The following ADAT1 variants were observed in gnomAD, a reference collection of about 807,000 sequenced individuals.
ADAT1 encodes the protein tRNA-specific adenosine deaminase 1.
Under a neutral mutation model 58.6 loss-of-function variants are expected in ADAT1, and 58 were observed. That is an observed-to-expected ratio of 0.99 (90% CI 0.80 to 1.23). The LOEUF (loss-of-function observed/expected upper bound fraction) is 1.23, where lower values mean the gene tolerates loss of function less well. Ranked by LOEUF, ADAT1 falls within the 50% of genes most tolerant of loss-of-function variation. The pLI is 0.00. For missense variants in ADAT1, 741 were observed against 608.6 expected (o/e 1.22, Z -2.29); for synonymous variants, 254 against 220.8 (o/e 1.15, Z -1.33).
In ADAT1 at chr16:75,618,570, G is replaced by C. The variant is rs368341754; in HGVS notation, c.293+16C>G. On this transcript the variant is annotated intron_variant, in intron 4 of 9. Coordinates refer to ENST00000564657, the MANE Select transcript of ADAT1 (RefSeq NM_001324445.2). The stretch of plus-strand genomic sequence containing the variant: ...CCCCAGTCCTGCTGAACCATACTCT[G>C]GAGATGTGGCTTTACCTTTGGAAAC... 10 of 1,564,566 alleles carry C rather than the reference G, an allele frequency of 6.4e-6. No homozygotes were observed. In the African/African-American group the frequency reaches 6.9e-5, roughly 11 times the overall value.
intron 1 of ADAT1, among the ~76,000 whole-genome samples, chr16:75,621,576 A>G (rs1245632494): frequency 2.6e-5 from 4 of 152,230 alleles, no homozygotes; most frequent in African/African-American, 9.6e-5. Flanking sequence ...AGTAATACTT[A>G]TAAAAAGCAA....
At chr16:75,621,163 T>A (rs781141004) in intron 1 of ADAT1, among the ~76,000 whole-genome samples, 2 of 152,080 alleles carry the variant, frequency 1.3e-5, no homozygotes, top group African/African-American at 4.8e-5. Flanking sequence ...GGAAACGGCA[T>A]GTAAAGGGTT....
Position 75,612,596 on chromosome 16 carries a change from G to A in ADAT1, c.690C>T (p.Ile230=). Residue 230 remains isoleucine (I), a synonymous_variant, in exon 6 of 10, where the codon ATC becomes ATT. Transcript: ENST00000564657. ...CCTCTACAGTGAGATCACAGCTGTG[G>A]ATGCCTGGTGAGATTGGGCCACTTT... ...KQKSGPISPG[I]HSCDLTVEGL... is the part of the protein sequence containing the mutation. 2 of 1,614,102 alleles carry A rather than the reference G, an allele frequency of 1.2e-6. No individual in the cohort carries two copies. The highest frequency in any genetic ancestry group is 1.1e-5 in the South Asian group (1 of 91,076).
intron 4 of ADAT1, among the ~76,000 whole-genome samples, chr16:75,617,574 T>G (rs1229222709): frequency 6.6e-6 from 1 of 151,504 alleles, no homozygotes; most frequent in Non-Finnish European, 1.5e-5. Flanking sequence ...TTTGAGGCTG[T>G]AGTGAGCTAT....
intron 1 of ADAT1, 101 bp downstream of exon 1, chr16:75,622,302 A>G (rs2081956850): frequency 6.6e-6 from 1 of 152,212 alleles, no homozygotes; most frequent in Admixed American, 6.5e-5. Context: ...AAAAATCTGC[A>G]GGAAGTGAGA....
Position 75,603,175 on chromosome 16 carries a change from T to C in ADAT1, c.1290-4A>G. On this transcript the variant is annotated splice_region_variant and splice_polypyrimidine_tract_variant and intron_variant, in intron 8 of 9. Transcript: ENST00000564657. ...TTCCACTTTGCTGATTTGGGATCTG[T>C]TTGGAAAAAGAAGGCAAAGATGATT... 6.2e-7 allele frequency: 1 copy of C among 1,613,124 alleles called. No individual in the cohort carries two copies. Among genetic ancestry groups the C allele is most frequent in the Middle Eastern group, 1.7e-4 (1 of 6,052 alleles).
rs2081164639 is a variant in ADAT1 at position 75,599,413 on chromosome 16, A to G, written c.*803T>C. The G allele has an allele frequency of 6.1e-6, 6 of 985,784 alleles. No homozygotes were observed. Among genetic ancestry groups the G allele is most frequent in the Non-Finnish European group, 6.0e-6 (5 of 829,934 alleles). 61.1% of individuals were successfully genotyped at this position (985,784 alleles called of 1,614,324 possible). A position where few individuals can be genotyped will look rare whatever the true frequency, so the allele number is the denominator to read the frequency against. ...TGGCTTTTTGGACAGAACTCTTTCA[A>G]TTGTAAGTCAGAAAACCAACACAAA... is the stretch of plus-strand genomic sequence containing the variant. On this transcript the variant is annotated 3_prime_UTR_variant, in exon 10 of 10. Transcript: ENST00000564657.
chr16:75,618,591 G>C lies in ADAT1; in HGVS notation c.288C>G (p.Phe96Leu). 1 of 1,604,632 alleles carries C rather than the reference G, an allele frequency of 6.2e-7. No homozygotes were observed. Among genetic ancestry groups the C allele is most frequent in the Non-Finnish European group, 8.5e-7 (1 of 1,176,316 alleles). The change falls in exon 4 of 10, where the codon TTC becomes TTG. Residue 96 changes from phenylalanine (F) to leucine (L), a missense_variant. Coordinates refer to ENST00000564657, the MANE Select transcript of ADAT1 (RefSeq NM_001324445.2). The stretch of plus-strand genomic sequence containing the variant: ...CTCTGGAGATGTGGCTTTACCTTTG[G>C]AAACTCCTTCTGGCTATGACCTCAG... Reference protein sequence around the residue: ...SHAEVIARRSFQRYLLHQLQL... With the variant: ...SHAEVIARRSLQRYLLHQLQL...
At position 75,600,310 on chromosome 16, in the gene ADAT1, G is replaced by A; in HGVS notation, c.1415C>T (p.Ala472Val). 6.2e-7 allele frequency: 1 copy of A among 1,614,074 alleles called. No homozygotes were observed. Among genetic ancestry groups the A allele is most frequent in the Non-Finnish European group, 8.5e-7 (1 of 1,180,018 alleles). The change falls in exon 10 of 10, where the codon GCT (alanine) becomes GTT (valine). Residue 472 changes from alanine to valine, a missense_variant. Ala to Val is a moderately conservative substitution (Grantham distance 64). Transcript: ENST00000564657. Reference sequence around the variant, plus strand: ...CCAGGCTTCCTGGTAAGAGGACGCAGCCTCCTTGTACTCCTGGTAGGTATC... The same window carrying A: ...CCAGGCTTCCTGGTAAGAGGACGCAACCTCCTTGTACTCCTGGTAGGTATC... The part of the protein sequence containing the change: ...KLDTYQEYKE[A>V]ASSYQEAWST...
intron 8 of ADAT1, among the ~76,000 whole-genome samples, chr16:75,605,709 G>A (rs1211535527): frequency 1.3e-5 from 2 of 151,870 alleles, no homozygotes; most frequent in Admixed American, 6.6e-5. Context: ...GCTGAGGCGG[G>A]TGGATCACCT....
chr16:75,606,204 C>A (rs891427755), intron 8 of ADAT1, among the ~76,000 whole-genome samples: 1 of 151,986 alleles, frequency 6.6e-6, no homozygotes, highest in African/African-American at 2.4e-5. Flanking sequence ...TAGCAACCAA[C>A]AGTAATTGCC....
chr16:75,619,376 A>G (rs1213103179), intron 3 of ADAT1, among the ~76,000 whole-genome samples: 2 of 152,090 alleles, frequency 1.3e-5, no homozygotes, highest in African/African-American at 2.4e-5. Context: ...AAAATGAAAA[A>G]AATTAGCTGC....
chr16:75,615,897 G>A (rs528233336), intron 5 of ADAT1, among the ~76,000 whole-genome samples: 1 of 152,160 alleles, frequency 6.6e-6, no homozygotes, highest in Admixed American at 6.5e-5. Context: ...CCTTGGACTA[G>A]GGCCCTTACG....
chr16:75,597,152 G>C lies in ADAT1; in HGVS notation c.*3064C>G, dbSNP rs989181095. On this transcript the variant is annotated 3_prime_UTR_variant, in exon 10 of 10. Transcript: ENST00000564657. Reference sequence around the variant, plus strand: ...AACTTCATGTCTACCTGAAACCTCAGAATGTGACTTTAGTTGGAAATAGAG... The same window carrying C: ...AACTTCATGTCTACCTGAAACCTCACAATGTGACTTTAGTTGGAAATAGAG... 3.4e-5 allele frequency: 7 copies of C among 206,512 alleles called. No individual in the cohort carries two copies. The highest frequency in any genetic ancestry group is 1.6e-4 in the African/African-American group (7 of 42,852). 12.8% of individuals were successfully genotyped at this position (206,512 alleles called of 1,614,324 possible). A position where few individuals can be genotyped will look rare whatever the true frequency, so the allele number is the denominator to read the frequency against.
intron 6 of ADAT1, 91 bp from the exon 7 acceptor site, chr16:75,609,079 T>A: frequency 6.9e-7 from 1 of 1,443,170 alleles, no homozygotes; most frequent in Non-Finnish European, 9.5e-7. Context: ...CCCTGAGCCT[T>A]AGCAGGTGTG....
At chr16:75,609,146 G>A (rs1256220989) in intron 6 of ADAT1, among the ~76,000 whole-genome samples, 158 bp from the exon 7 acceptor site, 1 of 152,132 alleles carries the variant, frequency 6.6e-6, no homozygotes, top group Non-Finnish European at 1.5e-5. Context: ...AAGATTGTAA[G>A]CACCTCATGG....
rs1423409421 is a variant in ADAT1 at position 75,616,005 on chromosome 16, T to TC, written c.424+1136_424+1137insG. 5.3e-5 allele frequency among the ~76,000 whole-genome samples: 6 copies of TC among 113,002 alleles called. No individual in the cohort carries two copies. In the South Asian group the frequency reaches 7.4e-4, roughly 14 times the overall value. The allele number at this position is 113,002 out of a possible 152,430, so 74.1% of individuals were successfully genotyped here. ...TCATACTCTTTCTTTCTTCTCTCTC[T>TC]TTTTTTTTTTTTCCCTTCTTTTTGA... On this transcript the variant is annotated intron_variant, in intron 5 of 9. Coordinates refer to ENST00000564657, the MANE Select transcript of ADAT1 (RefSeq NM_001324445.2).
chr16:75,619,281 G>A (rs2081850297), intron 3 of ADAT1, among the ~76,000 whole-genome samples: 1 of 152,176 alleles, frequency 6.6e-6, no homozygotes, highest in Non-Finnish European at 1.5e-5. Context: ...CCAGCACTTT[G>A]GGAGGCCAAG....
chr16:75,617,242 G>A lies in ADAT1; in HGVS notation c.324C>T (p.Ala108=), dbSNP rs901699156. ...RYLLHQLQLA[A]TLKEDSIFVP... ...CAAAGATGCTATCCTCTTTCAGGGT[G>A]GCTGCCAACTGGAGTTGGTGGAGAA... is the stretch of plus-strand genomic sequence containing the variant. The change falls in exon 5 of 10, where the codon GCC becomes GCT. Residue 108 remains alanine (A), a synonymous_variant. Transcript: ENST00000564657. The A allele has an allele frequency of 1.9e-6, 3 of 1,613,476 alleles. No homozygotes were observed. The African/African-American group carries it at 4.0e-5, about 22-fold the overall frequency.
Sources: allele counts gnomAD v4.1 joint callset (sites outside exome capture counted in the v4.1 genomes callset), GRCh38; gene constraint gnomAD v4.1.1; transcripts MANE v1.5; gene names NCBI Gene and HGNC (gene_info 2026-07-23, HGNC 2026-07-21).